Variants in MAP7D3 observed in about 807,000 individuals in gnomAD.
MAP7D3 encodes MAP7 domain containing 3.
Under a neutral mutation model 62.2 loss-of-function variants are expected in MAP7D3, and 45 were observed. That is an observed-to-expected ratio of 0.72 (90% confidence interval 0.57 to 0.93). The LOEUF (loss-of-function observed/expected upper bound fraction) is 0.93. Among genes scored for constraint, MAP7D3 ranks in the 40% least tolerant of loss-of-function variants. The probability of loss-of-function intolerance (pLI) is 0.00; values close to 1 mark genes in which losing one functional copy is unlikely to be tolerated. For synonymous variants in MAP7D3, 288 were observed against 248.8 expected, an observed-to-expected ratio of 1.16 and a Z score of -1.48; for missense variants, 711 against 683.1, an observed-to-expected ratio of 1.04 and a Z score of -0.45.
rs201460312 is a variant in MAP7D3 at position 136,241,241 on chromosome X, G to A, written c.454C>T (p.Arg152Trp). 5.2e-5 allele frequency: 61 copies of A among 1,169,591 alleles called. No homozygotes were observed. The highest frequency in any genetic ancestry group is 1.5e-4 in the Admixed American group (6 of 40,401). ...TGATAATCATCAGCAAGTCTCCTCC[G>A]TTCCAAAGTACGATAAAGAATGGCT... ...FTAILYRTLE[R>W]RRLADDYQQK... The change falls in exon 5 of 19, where the codon CGG (arginine) becomes TGG (tryptophan). Residue 152 changes from arginine (R) to tryptophan (W), a missense_variant. By Grantham distance (101) the Arg-to-Trp change is moderately radical. Coordinates refer to ENST00000316077, the MANE Select transcript of MAP7D3 (RefSeq NM_024597.4).
rs142900303 is a variant in MAP7D3 at position 136,231,952 on chromosome X, C to T, written c.1005G>A (p.Thr335=). The change falls in exon 8 of 19, where the codon ACG becomes ACA. Residue 335 remains threonine, a synonymous_variant. Transcript: ENST00000316077. The part of the protein sequence containing the change: ...AGVGMAPEVS[T]DSFPVVSVDV... The stretch of plus-strand genomic sequence containing the variant: ...CCACGCTCACCACAGGGAATGAGTC[C>T]GTGCTCACCTCAGGGGCCATGCCCA... 106 of 1,209,345 alleles carry T rather than the reference C, an allele frequency of 8.8e-5. No individual in the cohort carries two copies. In the African/African-American group the frequency reaches 1.4e-3, roughly 16 times the overall value.
At chrX:136,231,218 C>T in intron 8 of MAP7D3, 1 of 329,166 alleles carries the variant, frequency 3.0e-6, no homozygotes, top group Non-Finnish European at 5.2e-6. Flanking sequence ...CAAAACCAAA[C>T]TCAATTTCCA....
At chrX:136,229,961 GTGTA>G (rs1379124771) in intron 10 of MAP7D3, among the ~76,000 whole-genome samples, 1,043 of 65,015 alleles carry the variant, frequency 0.016, 11 homozygotes, top group East Asian at 0.041. Flanking sequence ...TTTTTTGTGT[GTGTA>G]TATATATATA....
intron 6 of MAP7D3, 66 bp from the exon 7 acceptor site, chrX:136,236,405 C>A: frequency 1.7e-6 from 1 of 600,175 alleles, no homozygotes; most frequent in Non-Finnish European, 2.6e-6. Context: ...GAGTGAGATA[C>A]TCCTTTTTCA....
intron 12 of MAP7D3, among the ~76,000 whole-genome samples, chrX:136,226,398 T>C (rs781211317): frequency 8.1e-5 from 9 of 111,757 alleles, no homozygotes; most frequent in Admixed American, 9.5e-5. Context: ...TAAACAATCA[T>C]ATATAAAACA....
intron 4 of MAP7D3, 65 bp downstream of exon 4, chrX:136,244,567 A>G: frequency 2.3e-5 from 24 of 1,048,527 alleles, no homozygotes; most frequent in Non-Finnish European, 3.1e-5. Context: ...AGGCCTGAGA[A>G]AACAATATTC....
chrX:136,240,538 C>A lies in MAP7D3; in HGVS notation c.536-52G>T. On this transcript the variant is annotated intron_variant, in intron 5 of 18. Transcript: ENST00000316077. ...AATCATATTTCAAGGAGGAAAGAAT[C>A]ATTAACTGAAAAAAAAATGAGTTTT... The A allele has an allele frequency of 7.4e-6, 6 of 815,157 alleles. No individual in the cohort carries two copies. The Admixed American group carries it at 9.7e-5, about 13-fold the overall frequency. 67.2% of individuals were successfully genotyped at this position (815,157 alleles called of 1,213,427 possible).
chrX:136,251,761 T>C (rs1474415822), upstream of MAP7D3, among the ~76,000 whole-genome samples: 1 of 111,286 alleles, frequency 9.0e-6, no homozygotes, highest in Non-Finnish European at 1.9e-5. Context: ...CTGGGTGCGC[T>C]TGTATCATGA....
At position 136,244,792 on chromosome X, in the gene MAP7D3, T is replaced by C. The variant is rs951517832; in HGVS notation, c.257A>G (p.Asn86Ser). 5 of 1,183,038 alleles carry C rather than the reference T, an allele frequency of 4.2e-6. No homozygotes were observed. The highest frequency in any genetic ancestry group is 5.7e-6 in the Non-Finnish European group (5 of 878,551). ...TTTTTCAAGTAGTTGTGTTTCTTTATTGGCTGAAATATTCCAAATACATTT... is the reference window on the plus strand; with the variant it reads ...TTTTTCAAGTAGTTGTGTTTCTTTACTGGCTGAAATATTCCAAATACATTT... The part of the protein sequence containing the change: ...REEKRRQQDA[N>S]KETQLLEKER... Residue 86 changes from asparagine to serine, a missense_variant, in exon 4 of 19, where the codon AAT becomes AGT. Coordinates refer to ENST00000316077, the MANE Select transcript of MAP7D3 (RefSeq NM_024597.4).
intron 16 of MAP7D3, chrX:136,219,879 C>T (rs766652254): frequency 2.4e-5 from 11 of 459,903 alleles, no homozygotes; most frequent in African/African-American, 1.7e-4. Flanking sequence ...CTAGGTCCCA[C>T]GGAAGCACCA....
chrX:136,229,568 T>C (rs1312404146), intron 10 of MAP7D3, among the ~76,000 whole-genome samples: 1 of 110,433 alleles, frequency 9.1e-6, no homozygotes, highest in Non-Finnish European at 1.9e-5. Flanking sequence ...CACCACATTA[T>C]GGCCTATATA....
At chrX:136,215,466 T>C (rs1306404066), downstream of MAP7D3, among the ~76,000 whole-genome samples, 1 of 112,085 alleles carries the variant, frequency 8.9e-6, no homozygotes, top group Non-Finnish European at 1.9e-5. Context: ...CTGTCTCCCA[T>C]CACCCCCAGA....
upstream of MAP7D3, chrX:136,251,498 C>G (rs2074513660): frequency 2.4e-6 from 2 of 845,703 alleles, no homozygotes; most frequent in Non-Finnish European, 2.9e-6. Context: ...AGGGCCACCG[C>G]GCCCGCCTCG....
intron 13 of MAP7D3, 147 bp from the exon 14 acceptor site, chrX:136,225,027 C>T (rs191340545): frequency 3.6e-5 from 15 of 422,342 alleles, no homozygotes; most frequent in Admixed American, 2.5e-4. Flanking sequence ...AAAAGGCTTA[C>T]GGTGGCAGTT....
At chrX:136,235,419 C>T (rs1484089271) in intron 7 of MAP7D3, among the ~76,000 whole-genome samples, 3 of 111,595 alleles carry the variant, frequency 2.7e-5, no homozygotes, top group Non-Finnish European at 5.6e-5. Flanking sequence ...AACAAATACA[C>T]GTGAAAGGAA....
At chrX:136,251,449 T>TGGGCGGGGCG (rs3830873), upstream of MAP7D3, 4,601 of 446,492 alleles carry the variant, frequency 0.01, 43 homozygotes, top group Middle Eastern at 0.018. Flanking sequence ...GGGCTGCCGG[T>TGGGCGGGGCG]GGGCGGGGCG....
At chrX:136,221,734 A>AC (rs1467432490) in intron 15 of MAP7D3, 1 of 111,361 alleles carries the variant, frequency 9.0e-6, no homozygotes, top group African/African-American at 3.3e-5. Context: ...ACTTCTTTCA[A>AC]CCCAATCATC....
chrX:136,240,546 G>GA (rs1008352000), intron 5 of MAP7D3, 60 bp from the exon 6 acceptor site: 668 of 757,190 alleles, frequency 8.8e-4, no homozygotes, highest in Non-Finnish European at 1.1e-3. Flanking sequence ...ATCATTAACT[G>GA]AAAAAAAAAT....
intron 13 of MAP7D3, among the ~76,000 whole-genome samples, chrX:136,225,231 T>A (rs780430699): frequency 8.9e-5 from 10 of 112,909 alleles, no homozygotes; most frequent in Non-Finnish European, 1.9e-4. Flanking sequence ...AGTCTTCAGC[T>A]GATTCCTGAA....
Sources: gnomAD v4.1 joint callset for allele counts (sites outside exome capture counted in the v4.1 genomes callset) on GRCh38, gnomAD v4.1.1 for gene constraint, MANE v1.5 for transcripts, NCBI Gene and HGNC (gene_info 2026-07-23, HGNC 2026-07-21) for gene names.